MKLN1: variants seen among roughly 807,000 people sequenced by gnomAD.
MKLN1 encodes the protein muskelin 1, also known as muskelin.
A neutral mutation model predicts 99.0 loss-of-function variants in MKLN1; 18 were observed. That is an observed-to-expected ratio of 0.18 (90% CI 0.13 to 0.27). MKLN1 has a LOEUF of 0.27. MKLN1 is among the 10% of genes least tolerant of loss of function. The pLI is 1.00. For missense variants in MKLN1, 621 were observed against 875.9 expected (o/e 0.71, Z 3.67); for synonymous variants, 288 against 293.2 (o/e 0.98, Z 0.18).
rs1213393047 is a variant in MKLN1, at chr7:131,488,213, G to A, written c.*485G>A. 1 of 151,892 alleles carries A rather than the reference G, an allele frequency of 6.6e-6. No homozygotes were observed. Among genetic ancestry groups the A allele is most frequent in the Non-Finnish European group, 1.5e-5 (1 of 68,020 alleles). 9.4% of individuals were successfully genotyped at this position (151,892 alleles called of 1,614,324 possible). ...CAACTGCGTGTAAATGGTGTCACTT[G>A]TTCACCTCTTTACTTCATTCTTAAC... On this transcript the variant is annotated 3_prime_UTR_variant, in exon 18 of 18. Transcript: ENST00000352689.
At chr7:131,163,351 G>A (rs1796082009) in intron 2 of MKLN1, among the ~76,000 whole-genome samples, 3 of 152,260 alleles carry the variant, frequency 2.0e-5, no homozygotes, top group South Asian at 2.1e-4. Context: ...GTAATGGTTC[G>A]GGGCTCACCC....
chr7:131,259,596 G>C (rs1797704839), intron 3 of MKLN1, among the ~76,000 whole-genome samples: 1 of 151,942 alleles, frequency 6.6e-6, no homozygotes, highest in Non-Finnish European at 1.5e-5. Context: ...ACTTTAATAA[G>C]GTTCACATAA....
intron 3 of MKLN1, among the ~76,000 whole-genome samples, chr7:131,246,330 C>T (rs1192493312): frequency 1.3e-5 from 2 of 152,126 alleles, no homozygotes; most frequent in East Asian, 3.9e-4. Context: ...TCACCCCCAG[C>T]CAGGGGTGTT....
chr7:131,358,829 ATC>A (rs1197993057), intron 1 of MKLN1, among the ~76,000 whole-genome samples: 1 of 152,058 alleles, frequency 6.6e-6, no homozygotes, highest in East Asian at 1.9e-4. Context: ...TCATTTTATT[ATC>A]TGTTTAATAT....
At chr7:131,311,308 A>G (rs867140215) in intron 3 of MKLN1, 2 of 152,190 alleles carry the variant, frequency 1.3e-5, no homozygotes, top group Non-Finnish European at 1.5e-5. Context: ...TTAGATAGCA[A>G]AAGACTTAGA....
At chr7:131,331,040 A>G (rs887539771) in intron 1 of MKLN1, among the ~76,000 whole-genome samples, 3 of 152,204 alleles carry the variant, frequency 2.0e-5, no homozygotes, top group Admixed American at 6.5e-5. Flanking sequence ...AATATTTTGT[A>G]AACTGCTAAT....
chr7:131,443,414 G>C, intron 10 of MKLN1, 67 bp from the exon 11 acceptor site: 3 of 1,155,852 alleles, frequency 2.6e-6, no homozygotes, highest in Non-Finnish European at 3.9e-6. Flanking sequence ...TGTACATGTT[G>C]GTTTTGTTTT....
chr7:131,324,595 T>C (rs1317656274), upstream of MKLN1, among the ~76,000 whole-genome samples: 2 of 152,222 alleles, frequency 1.3e-5, no homozygotes, highest in Admixed American at 6.5e-5. Flanking sequence ...GCCTGAGTTA[T>C]TTACCAAGAA....
At chr7:131,275,562 TATA>T (rs1287772004) in intron 3 of MKLN1, among the ~76,000 whole-genome samples, 10 of 28,902 alleles carry the variant, frequency 3.5e-4, no homozygotes, top group South Asian at 1.3e-3. Context: ...TATATATATA[TATA>T]TATTTTTTTT....
intron 3 of MKLN1, among the ~76,000 whole-genome samples, chr7:131,271,434 C>T (rs547338633): frequency 1.3e-4 from 19 of 150,326 alleles, no homozygotes; most frequent in Middle Eastern, 3.5e-3. Flanking sequence ...CTCGCTAACA[C>T]GGTGAAACCG....
intron 6 of MKLN1, among the ~76,000 whole-genome samples, chr7:131,408,028 C>T (rs1026123438): frequency 6.6e-6 from 1 of 151,956 alleles, no homozygotes; most frequent in African/African-American, 2.4e-5. Context: ...TCTCCTAGGC[C>T]TTTTACGTGA....
rs563410194 is a variant in MKLN1 at position 131,230,805 on chromosome 7, G to A, written c.-179+27831G>A. Among the ~76,000 whole-genome samples the A allele has an allele frequency of 3.9e-5, 6 of 152,068 alleles. No homozygotes were observed. In the East Asian group the frequency reaches 5.8e-4, roughly 15 times the overall value. ...CCTCCATCTCATCTTGCGACTGACC[G>A]GGACATCATGGCTTCTGTTTATATG... On this transcript the variant is annotated intron_variant, in intron 3 of 7. Coordinates refer to the MKLN1 transcript ENST00000416992.
chr7:131,167,996 G>A (rs71584857), intron 2 of MKLN1, among the ~76,000 whole-genome samples: 14,759 of 152,110 alleles, frequency 0.097, 859 homozygotes, highest in South Asian at 0.18. Context: ...TAACCCAAAT[G>A]CTGATATTAA....
chr7:131,370,464 CT>C (rs74274320), intron 1 of MKLN1, among the ~76,000 whole-genome samples: 442 of 106,598 alleles, frequency 4.1e-3, no homozygotes, highest in African/African-American at 7.7e-3. Flanking sequence ...TGTCACTATT[CT>C]TTTTTTTTTT....
chr7:131,475,671 G>T (rs991481994), intron 16 of MKLN1, among the ~76,000 whole-genome samples: 1 of 152,122 alleles, frequency 6.6e-6, no homozygotes, highest in Non-Finnish European at 1.5e-5. Flanking sequence ...AAAATTAGCT[G>T]GGTGGTGCCA....
intron 1 of MKLN1, among the ~76,000 whole-genome samples, chr7:131,345,887 T>G (rs185146359): frequency 1.6e-4 from 24 of 152,324 alleles, no homozygotes; most frequent in Non-Finnish European, 2.5e-4. Context: ...GTTTTTAATA[T>G]ATTGTTTTGG....
At chr7:131,347,094 AGTGCATGGTGCAACCT>A (rs1799584578) in intron 1 of MKLN1, among the ~76,000 whole-genome samples, 1 of 152,216 alleles carries the variant, frequency 6.6e-6, no homozygotes, top group South Asian at 2.1e-4. Flanking sequence ...GGGATCTTCT[AGTGCATGGTGCAACCT>A]GCATAATTAT....
At chr7:131,272,435 A>G (rs1270370843) in intron 3 of MKLN1, among the ~76,000 whole-genome samples, 3 of 152,212 alleles carry the variant, frequency 2.0e-5, no homozygotes, top group African/African-American at 4.8e-5. Flanking sequence ...GCCAAAGAAT[A>G]AAATATGTGA....
intron 2 of MKLN1, among the ~76,000 whole-genome samples, chr7:131,146,965 T>C (rs528394813): frequency 3.3e-5 from 5 of 152,282 alleles, no homozygotes; most frequent in African/African-American, 1.2e-4. Context: ...GTTTTTTAAG[T>C]ATGATGGAAG....
Sources: allele counts gnomAD v4.1 joint callset (sites outside exome capture counted in the v4.1 genomes callset), GRCh38; gene constraint gnomAD v4.1.1; transcripts MANE v1.5; gene names NCBI Gene and HGNC (gene_info 2026-07-23, HGNC 2026-07-21).